Variants in ITPR1 observed in about 807,000 individuals in gnomAD.
ITPR1 encodes the protein inositol 1,4,5-trisphosphate-gated calcium channel ITPR1.
Under a neutral mutation model 318.4 loss-of-function variants are expected in ITPR1, and 96 were observed. The ratio of observed to expected loss-of-function variants is 0.30; its 90% CI spans 0.26 to 0.36. The LOEUF (loss-of-function observed/expected upper bound fraction) is 0.36. Among genes scored for constraint, ITPR1 ranks in the 10% least tolerant of loss-of-function variants. The probability of loss-of-function intolerance (pLI) is 1.00; values close to 1 mark genes in which losing one functional copy is unlikely to be tolerated. For synonymous variants in ITPR1, 1,312 were observed against 1,289.9 expected, an observed-to-expected ratio of 1.02 and a Z score of -0.37; for missense variants, 2,440 against 3,460.2, an observed-to-expected ratio of 0.71 and a Z score of 7.40.
intron 45 of ITPR1, among the ~76,000 whole-genome samples, chr3:4,767,490 A>G (rs34152940): frequency 0.13 from 20,100 of 152,270 alleles, 1,680 homozygotes; most frequent in Middle Eastern, 0.23. Context: ...CTAAGTGCTT[A>G]CTAGGAATCA....
At chr3:4,627,641 T>G in intron 4 of ITPR1, 122 bp from the exon 5 acceptor site, 1 of 630,810 alleles carries the variant, frequency 1.6e-6, no homozygotes, top group Non-Finnish European at 2.9e-6. Flanking sequence ...TGTACTCTCA[T>G]TTTATATCTA....
chr3:4,688,273 A>G (rs972611342), intron 30 of ITPR1, among the ~76,000 whole-genome samples: 1 of 152,086 alleles, frequency 6.6e-6, no homozygotes, highest in African/African-American at 2.4e-5. Context: ...CTTACTCTGC[A>G]GTGCTCCCTC....
rs746790868 is a variant in ITPR1, at chr3:4,836,869, G to C, written c.8124G>C (p.Glu2708Asp). The change falls in exon 61 of 62, where the codon GAG (glutamate) becomes GAC (aspartate). Residue 2708 changes from glutamate to aspartate, a missense_variant. This residue lies in a region of ITPR1 where 63 missense variants were observed against 63.4 expected (regional missense o/e 0.99). Transcript: ENST00000649015. ...AGAATGAGCTGAGAAACCTGCAGGA[G>C]AAGCTGGAGTCCACCATGAAACTTG... Reference protein sequence around the residue: ...GEQNELRNLQEKLESTMKLVT... With the variant: ...GEQNELRNLQDKLESTMKLVT... 4 of 1,596,750 alleles carry C rather than the reference G, an allele frequency of 2.5e-6. No homozygotes were observed. The highest frequency in any genetic ancestry group is 3.4e-6 in the Non-Finnish European group (4 of 1,168,124).
In ITPR1 at chr3:4,763,768, A is replaced by G. The variant is rs565372627; in HGVS notation, c.5545-2762A>G. ...GCGCCTGGCCCTGTCTCATCTCATA[A>G]GAGCTTCCCTTACCCTGACCCTAGC... is the stretch of plus-strand genomic sequence containing the variant. On this transcript the variant is annotated intron_variant, in intron 44 of 61. Coordinates refer to ENST00000649015, the MANE Select transcript of ITPR1 (RefSeq NM_001378452.1). Among the ~76,000 whole-genome samples, 308 of 152,358 alleles carry G rather than the reference A, an allele frequency of 2.0e-3. 3 individuals carry two copies. The highest frequency in any genetic ancestry group is 1.7e-3 in the Non-Finnish European group (118 of 68,028).
chr3:4,553,255 G>A (rs768727002), intron 4 of ITPR1, among the ~76,000 whole-genome samples: 2 of 152,050 alleles, frequency 1.3e-5, no homozygotes, highest in African/African-American at 4.8e-5. Flanking sequence ...GGGATAGAGG[G>A]GTGGGACATT....
intron 4 of ITPR1, among the ~76,000 whole-genome samples, chr3:4,623,035 C>T (rs977624505): frequency 6.6e-6 from 1 of 152,226 alleles, no homozygotes; most frequent in South Asian, 2.1e-4. Flanking sequence ...TGGTCACTGA[C>T]ATGGATACCT....
intron 3 of ITPR1, among the ~76,000 whole-genome samples, chr3:4,518,713 C>A (rs547070650): frequency 1.8e-4 from 28 of 152,218 alleles, no homozygotes; most frequent in Non-Finnish European, 2.9e-4. Flanking sequence ...TCTTGGAGGG[C>A]AAGTGTGTGT....
chr3:4,575,959 G>T (rs986738365), intron 4 of ITPR1, among the ~76,000 whole-genome samples: 1 of 151,586 alleles, frequency 6.6e-6, no homozygotes, highest in African/African-American at 2.4e-5. Context: ...GGTCGAGGCT[G>T]CAGTGAGCCA....
intron 60 of ITPR1, chr3:4,831,019 C>G (rs1226113189): frequency 2.2e-6 from 1 of 456,244 alleles, no homozygotes; most frequent in Admixed American, 2.4e-5. Flanking sequence ...TCTTTTGAAC[C>G]TGGGAAGAAA....
At chr3:4,644,077 G>T in intron 7 of ITPR1, 59 bp from the exon 8 acceptor site, 1 of 1,110,790 alleles carries the variant, frequency 9.0e-7, no homozygotes, top group South Asian at 1.3e-5. Flanking sequence ...ACTGCCCAGT[G>T]GTCAATCCGC....
In ITPR1 at chr3:4,644,184, C is replaced by T. The variant is rs771369478; in HGVS notation, c.574C>T (p.Pro192Ser). Reference sequence around the variant, plus strand: ...TCTGAACCCCGTCAATGCTGGTCAGCCCCTACATGCTAGCAGCCATCAACT... The same window carrying T: ...TCTGAACCCCGTCAATGCTGGTCAGTCCCTACATGCTAGCAGCCATCAACT... Reference protein sequence around the residue: ...VVLNPVNAGQPLHASSHQLVD... With the variant: ...VVLNPVNAGQSLHASSHQLVD... The change falls in exon 8 of 62, where the codon CCC becomes TCC. Residue 192 changes from proline (P) to serine (S), a missense_variant. Coordinates refer to ENST00000649015, the MANE Select transcript of ITPR1 (RefSeq NM_001378452.1). 13 of 1,611,726 alleles carry T rather than the reference C, an allele frequency of 8.1e-6. No homozygotes were observed. In the South Asian group the frequency reaches 1.2e-4, roughly 15 times the overall value.
intron 39 of ITPR1, among the ~76,000 whole-genome samples, chr3:4,714,792 T>C (rs769137285): frequency 2.0e-5 from 3 of 152,230 alleles, no homozygotes; most frequent in Non-Finnish European, 4.4e-5. Context: ...CATTCTTTAT[T>C]ATCCTGTTCA....
chr3:4,731,202 T>C (rs930296406), intron 42 of ITPR1, among the ~76,000 whole-genome samples: 2 of 152,252 alleles, frequency 1.3e-5, no homozygotes, highest in African/African-American at 4.8e-5. Context: ...GTCAGCCTTT[T>C]AAATCACTGC....
At chr3:4,498,334 G>A (rs1401326383) in intron 2 of ITPR1, among the ~76,000 whole-genome samples, 1 of 152,212 alleles carries the variant, frequency 6.6e-6, no homozygotes, top group Non-Finnish European at 1.5e-5. Context: ...TGACCCTGTA[G>A]CTGTCAGGGA....
intron 2 of ITPR1, among the ~76,000 whole-genome samples, chr3:4,495,253 A>G (rs1325040299): frequency 6.6e-6 from 1 of 151,662 alleles, no homozygotes; most frequent in Non-Finnish European, 1.5e-5. Context: ...TTTTCTCCTG[A>G]AATGTTCAGG....
intron 4 of ITPR1, among the ~76,000 whole-genome samples, chr3:4,527,169 T>A (rs1436442135): frequency 6.6e-6 from 1 of 152,118 alleles, no homozygotes; most frequent in African/African-American, 2.4e-5. Flanking sequence ...CTGGGCCCAG[T>A]GCTTTTCTTC....
chr3:4,532,377 T>C (rs74729196), intron 4 of ITPR1, among the ~76,000 whole-genome samples: 2 of 152,168 alleles, frequency 1.3e-5, no homozygotes, highest in African/African-American at 2.4e-5. Flanking sequence ...TTTATTTTTA[T>C]TTTTTGAGAT....
chr3:4,736,178 C>G (rs931390), intron 44 of ITPR1, among the ~76,000 whole-genome samples: 2 of 151,946 alleles, frequency 1.3e-5, no homozygotes, highest in Admixed American at 1.3e-4. Context: ...TGTACAGACT[C>G]GTGTACACAT....
At chr3:4,539,490 A>G (rs987031418) in intron 4 of ITPR1, among the ~76,000 whole-genome samples, 1 of 152,036 alleles carries the variant, frequency 6.6e-6, no homozygotes, top group Non-Finnish European at 1.5e-5. Context: ...AAAATTTTCT[A>G]TTAATATTTT....
Sources: gnomAD v4.1 joint callset for allele counts (sites outside exome capture counted in the v4.1 genomes callset) on GRCh38, gnomAD v4.1.1 for gene constraint, gnomAD v4.1.1 regional missense constraint, MANE v1.5 for transcripts, NCBI Gene and HGNC (gene_info 2026-07-23, HGNC 2026-07-21) for gene names.